The following DOK6 variants were observed in gnomAD, a reference collection of about 807,000 sequenced individuals.
DOK6 encodes downstream of tyrosine kinase 6.
Under a neutral mutation model 44.0 loss-of-function variants are expected in DOK6, and 22 were observed. The ratio of observed to expected loss-of-function variants is 0.50; its 90% confidence interval spans 0.36 to 0.71. The LOEUF is 0.71. Ranked by LOEUF, DOK6 falls within the 30% of genes least tolerant of loss-of-function variation. The pLI, the probability that DOK6 is intolerant of heterozygous loss-of-function variation, is 0.00. For synonymous variants in DOK6, 166 were observed against 145.5 expected, an observed-to-expected ratio of 1.14 and a Z score of -1.01; for missense variants, 340 against 416.4, an observed-to-expected ratio of 0.82 and a Z score of 1.60.
chr18:69,620,929 G>C (rs565806850), intron 3 of DOK6, among the ~76,000 whole-genome samples: 1 of 152,222 alleles, frequency 6.6e-6, no homozygotes, highest in East Asian at 1.9e-4. Context: ...TTATTTTCAT[G>C]TTGCTTTGAA....
chr18:69,771,932 A>G (rs1366064402), intron 7 of DOK6, among the ~76,000 whole-genome samples: 2 of 151,834 alleles, frequency 1.3e-5, no homozygotes, highest in African/African-American at 4.8e-5. Context: ...AGGAACACTT[A>G]GGAATAAATT....
At chr18:69,704,108 C>T (rs1213721791) in intron 5 of DOK6, among the ~76,000 whole-genome samples, 2 of 152,174 alleles carry the variant, frequency 1.3e-5, no homozygotes, top group South Asian at 2.1e-4. Flanking sequence ...TTAAGTCACC[C>T]ACTCTGTGTC....
intron 1 of DOK6, among the ~76,000 whole-genome samples, chr18:69,555,136 T>C (rs1240233582): frequency 6.6e-6 from 1 of 152,198 alleles, no homozygotes; most frequent in Non-Finnish European, 1.5e-5. Flanking sequence ...TCCGCTTATT[T>C]TATCTTACAA....
intron 1 of DOK6, among the ~76,000 whole-genome samples, chr18:69,562,598 T>C (rs1335690349): frequency 6.6e-6 from 1 of 152,222 alleles, no homozygotes; most frequent in African/African-American, 2.4e-5. Context: ...GCTAGCCATA[T>C]GTAGAAAGCT....
At chr18:69,515,593 AAATAG>A (rs1234820488) in intron 1 of DOK6, among the ~76,000 whole-genome samples, 2 of 152,254 alleles carry the variant, frequency 1.3e-5, no homozygotes, top group Admixed American at 6.5e-5. Flanking sequence ...GAAGAAACAA[AAATAG>A]AATAGACTTG....
intron 1 of DOK6, among the ~76,000 whole-genome samples, chr18:69,409,355 C>A (rs973103503): frequency 6.6e-6 from 1 of 152,148 alleles, no homozygotes; most frequent in Non-Finnish European, 1.5e-5. Context: ...TTTTTCCTAA[C>A]GATTTTTCCA....
rs1449290452 is a variant in DOK6 at position 69,508,831 on chromosome 18, A to G, written c.67-55656A>G. 2.0e-5 allele frequency among the ~76,000 whole-genome samples: 3 copies of G among 152,206 alleles called. No individual in the cohort carries two copies. In the East Asian group the frequency reaches 5.8e-4, roughly 29 times the overall value. On this transcript the variant is annotated intron_variant, in intron 1 of 7. Coordinates refer to ENST00000382713, the MANE Select transcript of DOK6 (RefSeq NM_152721.6). Reference sequence around the variant, plus strand: ...GGAAGATCCAGATATGGTTAGGAAGAAAGAAATGAGAATGAGTGATATAGA... The same window carrying G: ...GGAAGATCCAGATATGGTTAGGAAGGAAGAAATGAGAATGAGTGATATAGA...
intron 3 of DOK6, chr18:69,660,389 A>G (rs1192761400): frequency 1.3e-5 from 2 of 152,214 alleles, no homozygotes; most frequent in Admixed American, 6.5e-5. Flanking sequence ...TTTCAACTCC[A>G]CAATACAAGT....
intron 7 of DOK6, among the ~76,000 whole-genome samples, chr18:69,828,162 C>T (rs974116134): frequency 6.6e-6 from 1 of 151,862 alleles, no homozygotes; most frequent in South Asian, 2.1e-4. Context: ...ATGACTGAGA[C>T]TTTGAAGATA....
chr18:69,551,785 G>A (rs916426835), intron 1 of DOK6, among the ~76,000 whole-genome samples: 1 of 152,078 alleles, frequency 6.6e-6, no homozygotes, highest in Non-Finnish European at 1.5e-5. Flanking sequence ...TAGCAAAACT[G>A]TCTGATTTTA....
chr18:69,467,030 G>T (rs755541563), intron 1 of DOK6, among the ~76,000 whole-genome samples: 3 of 152,158 alleles, frequency 2.0e-5, no homozygotes, highest in East Asian at 1.9e-4. Context: ...TAAATAAGTA[G>T]CAACGTCAAA....
chr18:69,500,262 C>T lies in DOK6; in HGVS notation c.67-64225C>T, dbSNP rs1442680. 2.8e-3 allele frequency among the ~76,000 whole-genome samples: 433 copies of T among 152,290 alleles called. 2 individuals are homozygous for T. Among genetic ancestry groups the T allele is most frequent in the African/African-American group, 1.0e-2 (414 of 41,570 alleles). ...TTCTCCGCCTCTGCTTTTATACTTA[C>T]TTGGACACATCAAATAAATATCCAC... On this transcript the variant is annotated intron_variant, in intron 1 of 7. Coordinates refer to ENST00000382713, the MANE Select transcript of DOK6 (RefSeq NM_152721.6).
At chr18:69,483,339 A>G (rs1980483072) in intron 1 of DOK6, among the ~76,000 whole-genome samples, 1 of 152,040 alleles carries the variant, frequency 6.6e-6, no homozygotes, top group South Asian at 2.1e-4. Context: ...ACAACAGTCA[A>G]GCTGAGAGCC....
At chr18:69,626,130 T>C (rs1422053392) in intron 3 of DOK6, among the ~76,000 whole-genome samples, 1 of 152,210 alleles carries the variant, frequency 6.6e-6, no homozygotes, top group Admixed American at 6.5e-5. Context: ...AGTAATCCAT[T>C]GTATTTTTCT....
chr18:69,533,519 T>A (rs1474125766), intron 1 of DOK6, among the ~76,000 whole-genome samples: 2 of 152,086 alleles, frequency 1.3e-5, no homozygotes, highest in Admixed American at 6.6e-5. Flanking sequence ...TAAGTATTAA[T>A]CTGACAACTG....
intron 7 of DOK6, among the ~76,000 whole-genome samples, chr18:69,839,827 GC>G (rs1040685907): frequency 6.6e-6 from 1 of 152,230 alleles, no homozygotes; most frequent in African/African-American, 2.4e-5. Flanking sequence ...GGCAGGAGGT[GC>G]GAGGGAAAAG....
intron 1 of DOK6, among the ~76,000 whole-genome samples, chr18:69,558,927 T>C (rs796382361): frequency 1.3e-4 from 20 of 152,174 alleles, no homozygotes; most frequent in African/African-American, 4.8e-4. Context: ...CTGTATAGAG[T>C]ATACAGGAAC....
At chr18:69,567,025 C>T (rs1983000045) in intron 2 of DOK6, among the ~76,000 whole-genome samples, 1 of 152,232 alleles carries the variant, frequency 6.6e-6, no homozygotes. Flanking sequence ...ATTTATCTTA[C>T]AGATTGCCTC....
At chr18:69,672,461 G>A (rs10451403) in intron 3 of DOK6, among the ~76,000 whole-genome samples, 19 of 152,248 alleles carry the variant, frequency 1.2e-4, no homozygotes, top group Non-Finnish European at 2.1e-4. Context: ...TGTGTTCAAG[G>A]GATTCTCCTG....
Sources: allele counts gnomAD v4.1 joint callset (sites outside exome capture counted in the v4.1 genomes callset), GRCh38; gene constraint gnomAD v4.1.1; transcripts MANE v1.5; gene names NCBI Gene and HGNC (gene_info 2026-07-23, HGNC 2026-07-21).